The following PLXDC2 variants were observed in gnomAD, a reference collection of about 807,000 sequenced individuals.
The protein encoded by PLXDC2 is plexin domain-containing protein 2.
A neutral mutation model predicts 68.9 loss-of-function variants in PLXDC2; 40 were observed. The ratio of observed to expected loss-of-function variants is 0.58; its 90% CI spans 0.45 to 0.76. The LOEUF (loss-of-function observed/expected upper bound fraction) is 0.76. Among genes scored for constraint, PLXDC2 ranks in the 30% least tolerant of loss-of-function variants. The probability of loss-of-function intolerance (pLI) is 0.00; values close to 1 mark genes in which losing one functional copy is unlikely to be tolerated. For synonymous variants in PLXDC2, 243 were observed against 234.2 expected (o/e 1.04, Z -0.34); for missense variants, 644 against 661.9 (o/e 0.97, Z 0.30).
chr10:19,817,673 C>T (rs906623046), intron 1 of PLXDC2, among the ~76,000 whole-genome samples: 2 of 152,200 alleles, frequency 1.3e-5, no homozygotes, highest in East Asian at 3.9e-4. Flanking sequence ...CCTTCCTTCC[C>T]CTGGCGATCC....
chr10:19,838,573 A>G (rs774236326), intron 1 of PLXDC2, among the ~76,000 whole-genome samples: 86 of 152,308 alleles, frequency 5.6e-4, no homozygotes, highest in African/African-American at 1.8e-3. Flanking sequence ...ACTGAAGTCA[A>G]TTATTCAGTC....
chr10:19,929,957 G>A lies in PLXDC2; in HGVS notation c.113-71818G>A, dbSNP rs372012215. Among the ~76,000 whole-genome samples the A allele has an allele frequency of 5.3e-4, 80 of 152,204 alleles. 1 individual carries two copies. Among genetic ancestry groups the A allele is most frequent in the African/African-American group, 1.8e-3 (76 of 41,544 alleles). Reference sequence around the variant, plus strand: ...CTTGGTCTGCTTGCACAATCCAGAAGGAAAATTTCTCCTCCGTCCTGGAGG... The same window carrying A: ...CTTGGTCTGCTTGCACAATCCAGAAAGAAAATTTCTCCTCCGTCCTGGAGG... On this transcript the variant is annotated intron_variant, in intron 1 of 13. Coordinates refer to ENST00000377252, the MANE Select transcript of PLXDC2 (RefSeq NM_032812.9).
At chr10:20,144,054 T>G (rs1000022396) in intron 5 of PLXDC2, among the ~76,000 whole-genome samples, 1 of 152,106 alleles carries the variant, frequency 6.6e-6, no homozygotes, top group African/African-American at 2.4e-5. Context: ...AGCGAGAAAT[T>G]CAAGGTCTTG....
intron 2 of PLXDC2, among the ~76,000 whole-genome samples, chr10:20,018,807 GA>G (rs1364082772): frequency 6.6e-6 from 1 of 151,996 alleles, no homozygotes; most frequent in Admixed American, 6.6e-5. Context: ...TTTTTAATAA[GA>G]CAGGAGCTGT....
chr10:19,828,441 T>C (rs540670131), intron 1 of PLXDC2, among the ~76,000 whole-genome samples: 1 of 152,304 alleles, frequency 6.6e-6, no homozygotes, highest in East Asian at 1.9e-4. Flanking sequence ...GAACTCCACC[T>C]CCAGCTCAGC....
intron 1 of PLXDC2, among the ~76,000 whole-genome samples, chr10:19,968,491 T>G (rs1033988071): frequency 6.6e-6 from 1 of 152,070 alleles, no homozygotes; most frequent in Non-Finnish European, 1.5e-5. Context: ...TTTTTTGTTT[T>G]TAGTAGAGAT....
chr10:19,840,731 G>T (rs1836888417), intron 1 of PLXDC2, among the ~76,000 whole-genome samples: 1 of 152,068 alleles, frequency 6.6e-6, no homozygotes, highest in Non-Finnish European at 1.5e-5. Context: ...GTAAGGACTG[G>T]CCTATCCTCA....
intron 1 of PLXDC2, among the ~76,000 whole-genome samples, chr10:19,895,000 C>T (rs1179931966): frequency 1.3e-5 from 2 of 152,166 alleles, no homozygotes; most frequent in African/African-American, 4.8e-5. Context: ...CGGCACTGTT[C>T]ACAGTAGTAA....
rs1836110094 is a variant in PLXDC2, at chr10:20,283,614, C to T, written c.*3795C>T. 6.6e-6 allele frequency: 1 copy of T among 152,166 alleles called. No homozygotes were observed. Among genetic ancestry groups the T allele is most frequent in the African/African-American group, 2.4e-5 (1 of 41,456 alleles). 9.4% of individuals were successfully genotyped at this position (152,166 alleles called of 1,614,324 possible). A position where few individuals can be genotyped will look rare whatever the true frequency, so the allele number is the denominator to read the frequency against. ...TATTTGTCCCACATGACATCCATCCCATGTATTTATCCACTCTTTCACAAC... is the reference window on the plus strand; with the variant it reads ...TATTTGTCCCACATGACATCCATCCTATGTATTTATCCACTCTTTCACAAC... On this transcript the variant is annotated 3_prime_UTR_variant, in exon 14 of 14. Coordinates refer to ENST00000377252, the MANE Select transcript of PLXDC2 (RefSeq NM_032812.9).
At chr10:20,086,687 T>C (rs767817454) in intron 4 of PLXDC2, among the ~76,000 whole-genome samples, 5 of 152,152 alleles carry the variant, frequency 3.3e-5, no homozygotes, top group African/African-American at 1.2e-4. Context: ...AGGTTTTCTT[T>C]TTCCTCCCCT....
chr10:20,112,483 C>T (rs917990863), intron 4 of PLXDC2, among the ~76,000 whole-genome samples: 1 of 152,172 alleles, frequency 6.6e-6, no homozygotes. Flanking sequence ...AGCTCTGACT[C>T]GATGTCCTCC....
At chr10:20,194,654 A>T (rs779083661) in intron 9 of PLXDC2, among the ~76,000 whole-genome samples, 1 of 151,894 alleles carries the variant, frequency 6.6e-6, no homozygotes, top group Non-Finnish European at 1.5e-5. Flanking sequence ...TATATATTAT[A>T]CTTTAAGTTC....
chr10:19,922,268 C>A lies in PLXDC2; in HGVS notation c.113-79507C>A, dbSNP rs554727620. ...GGAGCTAGACATATGCCTCTGCCTA[C>A]CCATTGTGAATTGAGAGATAGTGTT... On this transcript the variant is annotated intron_variant, in intron 1 of 13. Transcript: ENST00000377252. Among the ~76,000 whole-genome samples, 102 of 152,286 alleles carry A rather than the reference C, an allele frequency of 6.7e-4. 3 individuals are homozygous for A. In the South Asian group the frequency reaches 0.021, roughly 31 times the overall value.
In PLXDC2 at chr10:19,873,653, G is replaced by C. The variant is rs571797500; in HGVS notation, c.112+56462G>C. 3.9e-5 allele frequency among the ~76,000 whole-genome samples: 6 copies of C among 152,178 alleles called. 1 individual carries two copies. The South Asian group carries it at 1.2e-3, about 32-fold the overall frequency. ...CTTTGCACATTGAACCAGAAGTGTA[G>C]TTTTAGCAAATCTGGACTTGACAAA... On this transcript the variant is annotated intron_variant, in intron 1 of 13. Transcript: ENST00000377252.
At chr10:19,854,381 G>A (rs1837176097) in intron 1 of PLXDC2, among the ~76,000 whole-genome samples, 1 of 152,096 alleles carries the variant, frequency 6.6e-6, no homozygotes, top group Non-Finnish European at 1.5e-5. Flanking sequence ...TAAATCAGTG[G>A]CTATCAACCC....
chr10:20,000,422 A>G (rs1834915503), intron 1 of PLXDC2, among the ~76,000 whole-genome samples: 1 of 152,058 alleles, frequency 6.6e-6, no homozygotes, highest in Admixed American at 6.6e-5. Flanking sequence ...CTATGAGCTC[A>G]AGGAAAGGTC....
At chr10:20,177,822 A>G (rs1406308573) in intron 9 of PLXDC2, among the ~76,000 whole-genome samples, 2 of 152,156 alleles carry the variant, frequency 1.3e-5, no homozygotes, top group African/African-American at 2.4e-5. Flanking sequence ...GCAATATTGT[A>G]TGTATAAAAT....
chr10:20,052,853 G>T (rs1835928954), intron 3 of PLXDC2, among the ~76,000 whole-genome samples: 1 of 151,860 alleles, frequency 6.6e-6, no homozygotes, highest in African/African-American at 2.4e-5. Context: ...CAAGAATGTT[G>T]ACCCAGAAAA....
At position 20,062,629 on chromosome 10, in the gene PLXDC2, T is replaced by TA. The variant is rs1836127161; in HGVS notation, c.472-5537dup. ...ATATACTTCCATTAAAAGAAGATGA[T>TA]AAAATGTGTGTTTTATGATGAGTAA... On this transcript the variant is annotated intron_variant, in intron 3 of 13. Transcript: ENST00000377252. Among the ~76,000 whole-genome samples the TA allele has an allele frequency of 2.0e-5, 3 of 152,262 alleles. No homozygotes were observed. The East Asian group carries it at 5.8e-4, about 29-fold the overall frequency.
Sources: gnomAD v4.1 joint callset for allele counts (sites outside exome capture counted in the v4.1 genomes callset) on GRCh38, gnomAD v4.1.1 for gene constraint, MANE v1.5 for transcripts, NCBI Gene and HGNC (gene_info 2026-07-23, HGNC 2026-07-21) for gene names.